The following RAB27B variants were observed in gnomAD, a reference collection of about 807,000 sequenced individuals.
RAB27B encodes RAB27B, member RAS oncogene family, also known as ras-related protein Rab-27B.
A neutral mutation model predicts 24.6 loss-of-function variants in RAB27B; 15 were observed. The observed-to-expected ratio is 0.61, with a 90% confidence interval of 0.41 to 0.94. The LOEUF (loss-of-function observed/expected upper bound fraction) is 0.94, where lower values mean the gene tolerates loss of function less well. Ranked by LOEUF, RAB27B falls within the 40% of genes least tolerant of loss-of-function variation. The pLI is 0.00. For synonymous variants in RAB27B, 105 were observed against 92.5 expected (o/e 1.14, Z -0.78); for missense variants, 261 against 266.8 (o/e 0.98, Z 0.15).
chr18:54,844,394 C>CT (rs201784690), intron 1 of RAB27B, among the ~76,000 whole-genome samples: 154 of 120,714 alleles, frequency 1.3e-3, no homozygotes, highest in African/African-American at 3.7e-3. Context: ...TTCTTTCTTT[C>CT]TTTCTTTTCT....
intron 2 of RAB27B, among the ~76,000 whole-genome samples, chr18:54,738,014 C>T (rs1404981506): frequency 6.6e-6 from 1 of 151,936 alleles, no homozygotes; most frequent in Non-Finnish European, 1.5e-5. Context: ...ATGCTACCTG[C>T]TGAATGGGTA....
chr18:54,734,584 T>G (rs1358350277), intron 2 of RAB27B, among the ~76,000 whole-genome samples: 1 of 152,190 alleles, frequency 6.6e-6, no homozygotes, highest in African/African-American at 2.4e-5. Flanking sequence ...AAGGTAAGAT[T>G]AGATTATGGA....
At chr18:54,719,593 T>C (rs1474323136) in intron 2 of RAB27B, among the ~76,000 whole-genome samples, 1 of 152,084 alleles carries the variant, frequency 6.6e-6, no homozygotes, top group African/African-American at 2.4e-5. Flanking sequence ...GATAGTGATT[T>C]GCTTCTGAAG....
In RAB27B at chr18:54,877,560, T is replaced by C. The variant is rs1305428094; in HGVS notation, c.-19-7T>C. On this transcript the variant is annotated splice_region_variant and splice_polypyrimidine_tract_variant and intron_variant, in intron 1 of 5. Transcript: ENST00000262094. Reference sequence around the variant, plus strand: ...CAAAACATACTTGTTTTCCCTCTCCTATACAGACCGACCAAGACCATCACT... The same window carrying C: ...CAAAACATACTTGTTTTCCCTCTCCCATACAGACCGACCAAGACCATCACT... 4 of 1,481,370 alleles carry C rather than the reference T, an allele frequency of 2.7e-6. No individual in the cohort carries two copies. Among genetic ancestry groups the C allele is most frequent in the Non-Finnish European group, 1.8e-6 (2 of 1,121,530 alleles). 91.8% of individuals were successfully genotyped at this position (1,481,370 alleles called of 1,614,324 possible). A position where few individuals can be genotyped will look rare whatever the true frequency, so the allele number is the denominator to read the frequency against.
chr18:54,862,099 A>C (rs987186031), intron 1 of RAB27B, among the ~76,000 whole-genome samples: 1 of 152,232 alleles, frequency 6.6e-6, no homozygotes, highest in East Asian at 1.9e-4. Flanking sequence ...AAATTGAGTC[A>C]TGCACCAACT....
intron 1 of RAB27B, among the ~76,000 whole-genome samples, chr18:54,836,135 T>A (rs1353861690): frequency 6.6e-6 from 1 of 151,984 alleles, no homozygotes; most frequent in Non-Finnish European, 1.5e-5. Context: ...GAAACCTTGC[T>A]GGGCATCTGT....
chr18:54,847,497 T>C (rs558338382), intron 1 of RAB27B, among the ~76,000 whole-genome samples: 1 of 152,296 alleles, frequency 6.6e-6, no homozygotes, highest in Admixed American at 6.5e-5. Context: ...ATTAGGAATA[T>C]GATGTTAGTT....
chr18:54,867,167 A>T (rs1912264162), intron 1 of RAB27B, among the ~76,000 whole-genome samples: 1 of 152,136 alleles, frequency 6.6e-6, no homozygotes, highest in Non-Finnish European at 1.5e-5. Context: ...ACAACCAAAA[A>T]TGAGTTTTTG....
chr18:54,750,879 A>G lies in RAB27B; in HGVS notation c.-20+32738A>G, dbSNP rs546903334. Among the ~76,000 whole-genome samples, 18 of 152,350 alleles carry G rather than the reference A, an allele frequency of 1.2e-4. No homozygotes were observed. The South Asian group carries it at 3.7e-3, about 32-fold the overall frequency. ...GAGTCTTAGGTGATGGGCAGGAGTTAGTCAAGCAAAAAGCAGAAGGCCACA... is the reference window on the plus strand; with the variant it reads ...GAGTCTTAGGTGATGGGCAGGAGTTGGTCAAGCAAAAAGCAGAAGGCCACA... On this transcript the variant is annotated intron_variant, in intron 2 of 4. Transcript: ENST00000586570.
intron 2 of RAB27B, among the ~76,000 whole-genome samples, chr18:54,813,679 A>T (rs1910036576): frequency 6.6e-6 from 1 of 152,186 alleles, no homozygotes; most frequent in Non-Finnish European, 1.5e-5. Flanking sequence ...CCATGAGCCA[A>T]AATAAACCTG....
At chr18:54,748,818 C>T (rs1263269521) in intron 2 of RAB27B, among the ~76,000 whole-genome samples, 5 of 152,150 alleles carry the variant, frequency 3.3e-5, no homozygotes, top group Non-Finnish European at 7.4e-5. Context: ...CATGTGTGGA[C>T]ACAGAAGCCA....
intron 1 of RAB27B, 79 bp downstream of exon 1, chr18:54,828,779 G>C (rs193071567): frequency 6.9e-6 from 1 of 145,504 alleles, no homozygotes; most frequent in Non-Finnish European, 1.5e-5. Context: ...CTGCGCCGTG[G>C]GAAGTGAGGC....
chr18:54,813,667 A>G (rs1187956727), intron 2 of RAB27B, among the ~76,000 whole-genome samples: 5 of 152,178 alleles, frequency 3.3e-5, no homozygotes, highest in Non-Finnish European at 7.3e-5. Flanking sequence ...CAGTCTGCAG[A>G]ACCATGAGCC....
At chr18:54,818,554 T>A (rs1031911486) in intron 2 of RAB27B, among the ~76,000 whole-genome samples, 7 of 152,120 alleles carry the variant, frequency 4.6e-5, no homozygotes, top group Admixed American at 3.9e-4. Flanking sequence ...ACTAGAGCCA[T>A]AAGCAAAGGC....
chr18:54,799,099 G>A (rs985033989), intron 2 of RAB27B, among the ~76,000 whole-genome samples: 7 of 152,082 alleles, frequency 4.6e-5, no homozygotes, highest in African/African-American at 7.2e-5. Flanking sequence ...TGCTTAGAAC[G>A]AGTTATAAAA....
chr18:54,737,068 C>T (rs1909918964), intron 2 of RAB27B, among the ~76,000 whole-genome samples: 3 of 152,114 alleles, frequency 2.0e-5, no homozygotes, highest in Admixed American at 2.0e-4. Context: ...AAGTAAACCA[C>T]CTCCAAATGA....
chr18:54,789,280 T>C (rs1351931393), intron 2 of RAB27B, among the ~76,000 whole-genome samples: 3 of 152,214 alleles, frequency 2.0e-5, no homozygotes. Context: ...ATTGGCTTTA[T>C]GCTGTTTTTT....
At chr18:54,809,328 C>T (rs1909891500) in intron 2 of RAB27B, among the ~76,000 whole-genome samples, 1 of 152,162 alleles carries the variant, frequency 6.6e-6, no homozygotes, top group African/African-American at 2.4e-5. Context: ...AAGTCTACCA[C>T]CAGTAGAGTA....
chr18:54,886,364 G>A (rs1913135946), intron 4 of RAB27B, among the ~76,000 whole-genome samples: 1 of 152,086 alleles, frequency 6.6e-6, no homozygotes, highest in Non-Finnish European at 1.5e-5. Context: ...ATACCTGGGT[G>A]AGTGCCTGGC....
Sources: gnomAD v4.1 joint callset for allele counts (sites outside exome capture counted in the v4.1 genomes callset) on GRCh38, gnomAD v4.1.1 for gene constraint, MANE v1.5 for transcripts, NCBI Gene and HGNC (gene_info 2026-07-23, HGNC 2026-07-21) for gene names.